The following CAMKMT variants were observed in gnomAD, a reference collection of about 807,000 sequenced individuals.
CAMKMT encodes the protein calmodulin-lysine N-methyltransferase.
A neutral mutation model predicts 48.0 loss-of-function variants in CAMKMT; 53 were observed. The observed-to-expected ratio is 1.10, with a 90% CI of 0.89 to 1.39. The LOEUF (loss-of-function observed/expected upper bound fraction) is 1.39, where lower values mean the gene tolerates loss of function less well. Ranked by LOEUF, CAMKMT falls within the 40% of genes most tolerant of loss-of-function variation. The pLI is 0.00. For missense variants in CAMKMT, 428 were observed against 402.7 expected, an observed-to-expected ratio of 1.06 and a Z score of -0.54; for synonymous variants, 165 against 152.3, an observed-to-expected ratio of 1.08 and a Z score of -0.61.
At chr2:44,364,995 T>C (rs1201322725) in intron 1 of CAMKMT, among the ~76,000 whole-genome samples, 1 of 152,208 alleles carries the variant, frequency 6.6e-6, no homozygotes, top group African/African-American at 2.4e-5. Flanking sequence ...TCCTTGGAGG[T>C]GACAAAGAGG....
At chr2:44,670,422 C>G (rs1675259993) in intron 3 of CAMKMT, among the ~76,000 whole-genome samples, 1 of 152,024 alleles carries the variant, frequency 6.6e-6, no homozygotes, top group African/African-American at 2.4e-5. Flanking sequence ...CTAAAAAAAT[C>G]ACTGGAGTGC....
chr2:44,394,908 C>T, intron 3 of CAMKMT: 1 of 454,338 alleles, frequency 2.2e-6, no homozygotes, highest in East Asian at 6.9e-5. Context: ...CCTGTAGTCC[C>T]AGCTACTCAG....
chr2:44,502,920 C>T (rs80073639), intron 3 of CAMKMT, among the ~76,000 whole-genome samples: 8,860 of 152,000 alleles, frequency 0.058, 357 homozygotes, highest in Middle Eastern at 0.092. Context: ...TTTTTTAACT[C>T]ATCTAATTAT....
intron 6 of CAMKMT, among the ~76,000 whole-genome samples, chr2:44,712,058 A>C (rs1677908560): frequency 1.3e-5 from 2 of 152,322 alleles, no homozygotes; most frequent in South Asian, 4.1e-4. Flanking sequence ...TGGCATTGCT[A>C]ACAGAGTTTA....
intron 3 of CAMKMT, among the ~76,000 whole-genome samples, chr2:44,547,005 A>G (rs1667445593): frequency 6.6e-6 from 1 of 152,150 alleles, no homozygotes; most frequent in African/African-American, 2.4e-5. Context: ...GTGAGTATAA[A>G]TCCCTTGGGT....
chr2:44,486,536 C>T (rs1357481897), intron 3 of CAMKMT, among the ~76,000 whole-genome samples: 1 of 152,200 alleles, frequency 6.6e-6, no homozygotes, highest in Non-Finnish European at 1.5e-5. Context: ...GGCACAAACT[C>T]ATAGTGTGTA....
chr2:44,390,523 G>C (rs563887534), intron 3 of CAMKMT, among the ~76,000 whole-genome samples: 2 of 151,490 alleles, frequency 1.3e-5, no homozygotes, highest in Non-Finnish European at 2.9e-5. Flanking sequence ...GCAGGTGTGT[G>C]TGTGTGGGGG....
chr2:44,428,757 A>T (rs1684444873), intron 3 of CAMKMT, among the ~76,000 whole-genome samples: 1 of 152,224 alleles, frequency 6.6e-6, no homozygotes, highest in Non-Finnish European at 1.5e-5. Context: ...AGAGTTATGC[A>T]GTCACGTTAA....
chr2:44,584,510 G>A (rs1372467404), intron 3 of CAMKMT, among the ~76,000 whole-genome samples: 4 of 152,198 alleles, frequency 2.6e-5, no homozygotes, highest in Non-Finnish European at 5.9e-5. Flanking sequence ...TTCCTAAGTT[G>A]TTGAGTAGAA....
At chr2:44,621,001 G>A (rs1160820464) in intron 3 of CAMKMT, among the ~76,000 whole-genome samples, 1 of 152,190 alleles carries the variant, frequency 6.6e-6, no homozygotes, top group African/African-American at 2.4e-5. Flanking sequence ...GGGTGCGGTG[G>A]CTCACGCCTA....
chr2:44,704,226 C>T (rs971479353), intron 3 of CAMKMT, 57 bp from the exon 4 acceptor site: 25 of 1,392,522 alleles, frequency 1.8e-5, no homozygotes, highest in Admixed American at 1.4e-4. Context: ...TTTTAAAAGC[C>T]GTTTCTTAAA....
In CAMKMT at chr2:44,772,179, A is replaced by C; in HGVS notation, c.*66A>C. 7.0e-7 allele frequency: 1 copy of C among 1,418,470 alleles called. No homozygotes were observed. The highest frequency in any genetic ancestry group is 1.2e-5 in the South Asian group (1 of 85,514). 87.9% of individuals were successfully genotyped at this position (1,418,470 alleles called of 1,614,324 possible). On this transcript the variant is annotated 3_prime_UTR_variant, in exon 11 of 11. Coordinates refer to ENST00000378494, the MANE Select transcript of CAMKMT (RefSeq NM_024766.5). The stretch of plus-strand genomic sequence containing the variant: ...ATAGGGAATATTTTTACAAAAACGG[A>C]AATCTGTAAGGGGTATAATCGCCTG...
At chr2:44,366,938 A>T (rs786619) in intron 1 of CAMKMT, among the ~76,000 whole-genome samples, 102,073 of 151,794 alleles carry the variant, frequency 0.67, 35,011 homozygotes, top group African/African-American at 0.76. Flanking sequence ...TTGCCCAGGC[A>T]GGTCTCGAAC....
Position 44,722,433 on chromosome 2 carries a change from C to T in CAMKMT, c.623+7080C>T, listed in dbSNP as rs181352538. Among the ~76,000 whole-genome samples, 170 of 152,146 alleles carry T rather than the reference C, an allele frequency of 1.1e-3. 2 individuals are homozygous for T. The highest frequency in any genetic ancestry group is 5.4e-3 in the South Asian group (26 of 4,814). On this transcript the variant is annotated intron_variant, in intron 7 of 10. Coordinates refer to ENST00000378494, the MANE Select transcript of CAMKMT (RefSeq NM_024766.5). Reference sequence around the variant, plus strand: ...TCCAGAATTTTCTTTATTGTGCAATCTTTGTCTGATTTTAAATAGCACTGA... The same window carrying T: ...TCCAGAATTTTCTTTATTGTGCAATTTTTGTCTGATTTTAAATAGCACTGA...
intron 3 of CAMKMT, among the ~76,000 whole-genome samples, chr2:44,476,588 G>T (rs1378718670): frequency 6.6e-6 from 1 of 151,130 alleles, no homozygotes; most frequent in African/African-American, 2.4e-5. Flanking sequence ...TTTACACTGT[G>T]TAAAAAAAAA....
chr2:44,535,900 A>C (rs1666747966), intron 3 of CAMKMT, among the ~76,000 whole-genome samples: 1 of 152,194 alleles, frequency 6.6e-6, no homozygotes, highest in Admixed American at 6.5e-5. Context: ...AATTAAAAGC[A>C]TCCAGATTGG....
chr2:44,768,325 T>C (rs1459790116), intron 10 of CAMKMT, among the ~76,000 whole-genome samples: 1 of 143,868 alleles, frequency 7.0e-6, no homozygotes, highest in Non-Finnish European at 1.5e-5. Flanking sequence ...GGATAAAAGG[T>C]ATAAACGGGC....
intron 3 of CAMKMT, among the ~76,000 whole-genome samples, chr2:44,559,184 A>G (rs1480853132): frequency 1.3e-5 from 2 of 152,140 alleles, no homozygotes; most frequent in African/African-American, 4.8e-5. Flanking sequence ...TGCTGTTTTA[A>G]TTAGGACACA....
chr2:44,457,591 G>A (rs1490780710), intron 3 of CAMKMT, among the ~76,000 whole-genome samples: 1 of 151,824 alleles, frequency 6.6e-6, no homozygotes, highest in Non-Finnish European at 1.5e-5. Context: ...TAGAGATGGG[G>A]TTTCACCATG....
Sources: gnomAD v4.1 joint callset for allele counts (sites outside exome capture counted in the v4.1 genomes callset) on GRCh38, gnomAD v4.1.1 for gene constraint, MANE v1.5 for transcripts, NCBI Gene and HGNC (gene_info 2026-07-23, HGNC 2026-07-21) for gene names.